Variants in PCSK5 observed in about 807,000 individuals in gnomAD.
PCSK5 encodes prohormone convertase 5.
A neutral mutation model predicts 233.2 loss-of-function variants in PCSK5; 129 were observed. The observed-to-expected ratio is 0.55, with a 90% CI of 0.48 to 0.64. The LOEUF is 0.64. PCSK5 is among the 30% of genes least tolerant of loss of function. PCSK5 has a pLI of 0.00. For synonymous variants in PCSK5, 825 were observed against 879.2 expected (o/e 0.94, Z 1.09); for missense variants, 2,076 against 2,430.1 (o/e 0.85, Z 3.06).
At chr9:76,187,852 GT>G (rs1191931879) in intron 17 of PCSK5, among the ~76,000 whole-genome samples, 1 of 152,076 alleles carries the variant, frequency 6.6e-6, no homozygotes, top group Non-Finnish European at 1.5e-5. Context: ...ATTTAATATA[GT>G]TTAGATAACT....
At chr9:75,973,311 T>C (rs1437439975) in intron 2 of PCSK5, among the ~76,000 whole-genome samples, 6 of 152,198 alleles carry the variant, frequency 3.9e-5, no homozygotes, top group African/African-American at 1.4e-4. Context: ...TGGTCTGTCA[T>C]AAACCTAGGT....
chr9:75,930,457 C>A (rs1368111933), intron 1 of PCSK5, among the ~76,000 whole-genome samples: 1 of 152,088 alleles, frequency 6.6e-6, no homozygotes, highest in East Asian at 1.9e-4. Context: ...CGGAATAGTT[C>A]CCTGGCATGG....
At position 76,359,826 on chromosome 9, in the gene PCSK5, C is replaced by G. The variant is rs1437094056; in HGVS notation, c.*904C>G. On this transcript the variant is annotated 3_prime_UTR_variant, in exon 38 of 38. Transcript: ENST00000674117. Reference sequence around the variant, plus strand: ...TAAAAAATTCAGAGCTTTCCTTCATCAACAACCCATCACAAAACCGTGGAC... The same window carrying G: ...TAAAAAATTCAGAGCTTTCCTTCATGAACAACCCATCACAAAACCGTGGAC... 6.6e-6 allele frequency: 1 copy of G among 152,098 alleles called. No homozygotes were observed. The highest frequency in any genetic ancestry group is 1.5e-5 in the Non-Finnish European group (1 of 68,026). The allele number at this position is 152,098 out of a possible 1,614,324, so 9.4% of individuals were successfully genotyped here. A position where few individuals can be genotyped will look rare whatever the true frequency, so the allele number is the denominator to read the frequency against.
chr9:75,956,880 A>G (rs1009186673), intron 2 of PCSK5, among the ~76,000 whole-genome samples: 9 of 152,104 alleles, frequency 5.9e-5, no homozygotes, highest in Non-Finnish European at 1.0e-4. Flanking sequence ...ACTGATTCTC[A>G]AAGACATAAG....
intron 9 of PCSK5, among the ~76,000 whole-genome samples, chr9:76,126,333 G>A (rs1832853058): frequency 6.6e-6 from 1 of 152,182 alleles, no homozygotes; most frequent in African/African-American, 2.4e-5. Flanking sequence ...AATGAAATCA[G>A]CTGGGCGAGG....
intron 1 of PCSK5, among the ~76,000 whole-genome samples, chr9:75,909,814 G>T (rs1295969162): frequency 1.3e-5 from 2 of 152,180 alleles, no homozygotes; most frequent in African/African-American, 4.8e-5. Context: ...AATGTTTCTG[G>T]TTCTCTCCCT....
intron 24 of PCSK5, among the ~76,000 whole-genome samples, chr9:76,266,588 C>A (rs1330521755): frequency 6.6e-6 from 1 of 152,208 alleles, no homozygotes; most frequent in Non-Finnish European, 1.5e-5. Flanking sequence ...CTTCTGTGAT[C>A]AAGCTCATCT....
rs761087819 is a variant in PCSK5, at chr9:76,358,958, T to C, written c.*36T>C. 6.4e-7 allele frequency: 1 copy of C among 1,572,236 alleles called. No individual in the cohort carries two copies. The highest frequency in any genetic ancestry group is 1.3e-5 in the African/African-American group (1 of 74,220). ...CCCCACCAACACCACCATTCCACTC[T>C]CAGGCATGCCTGTGAGCATCACTGT... On this transcript the variant is annotated 3_prime_UTR_variant, in exon 38 of 38. Transcript: ENST00000674117.
chr9:76,121,218 T>G (rs1036214018), intron 9 of PCSK5, among the ~76,000 whole-genome samples: 4 of 152,082 alleles, frequency 2.6e-5, no homozygotes, highest in Admixed American at 2.6e-4. Flanking sequence ...AGGAATGAGA[T>G]TTGGGTGTTT....
chr9:76,173,619 G>T (rs1357806961), intron 13 of PCSK5, among the ~76,000 whole-genome samples: 1 of 146,570 alleles, frequency 6.8e-6, no homozygotes, highest in African/African-American at 2.5e-5. Context: ...CCTTGTAAGT[G>T]ATCCAGACTC....
intron 10 of PCSK5, among the ~76,000 whole-genome samples, chr9:76,147,598 T>C (rs1208385925): frequency 6.6e-6 from 1 of 152,204 alleles, no homozygotes; most frequent in Non-Finnish European, 1.5e-5. Flanking sequence ...CTGAGAAATG[T>C]GTGCTTTAGC....
intron 7 of PCSK5, among the ~76,000 whole-genome samples, chr9:76,087,753 A>T (rs1831122936): frequency 6.6e-6 from 1 of 152,216 alleles, no homozygotes; most frequent in African/African-American, 2.4e-5. Flanking sequence ...AAAGAACATT[A>T]AAAATTTCTT....
chr9:75,961,841 T>C (rs955621287), intron 2 of PCSK5, among the ~76,000 whole-genome samples: 1 of 152,236 alleles, frequency 6.6e-6, no homozygotes, highest in Non-Finnish European at 1.5e-5. Context: ...TCATCTCAAC[T>C]GTTTCTTTTT....
At chr9:76,249,110 T>C (rs1455845432) in intron 24 of PCSK5, among the ~76,000 whole-genome samples, 1 of 152,222 alleles carries the variant, frequency 6.6e-6, no homozygotes. Context: ...GATTTTCAAC[T>C]GGAGGCAATT....
chr9:76,032,712 A>C (rs1484681983), intron 5 of PCSK5, among the ~76,000 whole-genome samples: 2 of 152,150 alleles, frequency 1.3e-5, no homozygotes, highest in African/African-American at 2.4e-5. Context: ...AAAATAGAAA[A>C]TGCCTCCCTG....
intron 35 of PCSK5, among the ~76,000 whole-genome samples, chr9:76,344,799 C>T (rs1489244969): frequency 1.3e-5 from 2 of 152,162 alleles, no homozygotes; most frequent in Non-Finnish European, 2.9e-5. Context: ...GTGCAGTGGG[C>T]GGCGCAGTGC....
intron 3 of PCSK5, among the ~76,000 whole-genome samples, chr9:76,006,125 A>G (rs1827468500): frequency 6.6e-6 from 1 of 150,640 alleles, no homozygotes; most frequent in South Asian, 2.1e-4. Flanking sequence ...TGTGTGTTTT[A>G]TCTGATATCA....
At chr9:76,050,339 C>T (rs1829578146) in intron 5 of PCSK5, among the ~76,000 whole-genome samples, 2 of 152,088 alleles carry the variant, frequency 1.3e-5, no homozygotes, top group African/African-American at 2.4e-5. Context: ...TTTCAGTGTA[C>T]ATTTCAAAAA....
chr9:76,201,230 C>T (rs2131270068), intron 20 of PCSK5, among the ~76,000 whole-genome samples: 1 of 152,254 alleles, frequency 6.6e-6, no homozygotes, highest in Non-Finnish European at 1.5e-5. Flanking sequence ...CTGTCATCAC[C>T]AGAGAAGAAC....
Sources: gnomAD v4.1 joint callset for allele counts (sites outside exome capture counted in the v4.1 genomes callset) on GRCh38, gnomAD v4.1.1 for gene constraint, MANE v1.5 for transcripts, NCBI Gene and HGNC (gene_info 2026-07-23, HGNC 2026-07-21) for gene names.